DLGAP2: variants seen among roughly 807,000 people sequenced by gnomAD.
DLGAP2 encodes the protein DLG associated protein 2, also known as disks large-associated protein 2.
DLGAP2 carries 26 observed loss-of-function variants against 100.3 expected under a neutral mutation model. The observed-to-expected ratio is 0.26, with a 90% CI of 0.19 to 0.36. The LOEUF is 0.36. DLGAP2 is among the 10% of genes least tolerant of loss of function. The pLI, the probability that DLGAP2 is intolerant of heterozygous loss-of-function variation, is 1.00. For synonymous variants in DLGAP2, 886 were observed against 630.1 expected (o/e 1.41, Z -6.08); for missense variants, 1,858 against 1,453.2 (o/e 1.28, Z -4.53).
At chr8:881,666 A>ACATATATATATATAT in intron 1 of DLGAP2, among the ~76,000 whole-genome samples, 1 of 131,048 alleles carries the variant, frequency 7.6e-6, no homozygotes, top group African/African-American at 2.7e-5. Context: ...CTTGTGGCTG[A>ACATATATATATATAT]ACACACACAC....
chr8:857,754 G>T (rs1201092423), intron 1 of DLGAP2, among the ~76,000 whole-genome samples: 1 of 152,192 alleles, frequency 6.6e-6, no homozygotes, highest in Non-Finnish European at 1.5e-5. Context: ...CAGCCACACT[G>T]AAGACCGCTA....
chr8:1,252,765 G>C (rs543209663), intron 2 of DLGAP2, among the ~76,000 whole-genome samples: 3 of 152,266 alleles, frequency 2.0e-5, no homozygotes, highest in Admixed American at 6.5e-5. Flanking sequence ...GTTGAAGCGC[G>C]GCCGGATGTG....
chr8:1,583,202 G>C (rs1412154779), intron 6 of DLGAP2, among the ~76,000 whole-genome samples: 1 of 152,194 alleles, frequency 6.6e-6, no homozygotes, highest in Non-Finnish European at 1.5e-5. Flanking sequence ...TTGTGAGTAG[G>C]CTATTTAAGT....
intron 6 of DLGAP2, among the ~76,000 whole-genome samples, chr8:1,624,879 CT>C (rs1424003859): frequency 1.3e-5 from 2 of 151,902 alleles, no homozygotes; most frequent in Admixed American, 6.6e-5. Flanking sequence ...GTCTCTCTCT[CT>C]CTCTCTTTCC....
intron 1 of DLGAP2, among the ~76,000 whole-genome samples, chr8:854,520 G>C (rs774273189): frequency 5.9e-5 from 9 of 152,030 alleles, no homozygotes; most frequent in Non-Finnish European, 1.2e-4. Context: ...TGAGAGAGTG[G>C]GTGAGAGAGG....
At chr8:830,542 T>C (rs1176916383) in intron 1 of DLGAP2, among the ~76,000 whole-genome samples, 1 of 152,212 alleles carries the variant, frequency 6.6e-6, no homozygotes, top group African/African-American at 2.4e-5. Context: ...TTTAAATTCT[T>C]GGTATAGTTC....
At chr8:1,355,902 A>G (rs971640531) in intron 3 of DLGAP2, among the ~76,000 whole-genome samples, 1 of 152,126 alleles carries the variant, frequency 6.6e-6, no homozygotes, top group Non-Finnish European at 1.5e-5. Flanking sequence ...ACCTGTTCAT[A>G]TTCAAATTAA....
In DLGAP2 at chr8:1,418,554, G is replaced by C. The variant is rs1258617282; in HGVS notation, c.107-82812G>C. Among the ~76,000 whole-genome samples, 5 of 152,254 alleles carry C rather than the reference G, an allele frequency of 3.3e-5. No homozygotes were observed. In the East Asian group the frequency reaches 9.7e-4, roughly 29 times the overall value. Reference sequence around the variant, plus strand: ...AAATGGAAGCTTCACCTGGCTGCCAGTGCTCTCTCTGCATTCACACGACAC... The same window carrying C: ...AAATGGAAGCTTCACCTGGCTGCCACTGCTCTCTCTGCATTCACACGACAC... On this transcript the variant is annotated intron_variant, in intron 3 of 14. Transcript: ENST00000637795.
intron 2 of DLGAP2, among the ~76,000 whole-genome samples, chr8:960,576 A>T (rs1799702840): frequency 6.6e-6 from 1 of 152,148 alleles, no homozygotes; most frequent in African/African-American, 2.4e-5. Flanking sequence ...CCTAATGATT[A>T]TTCTTTATCA....
chr8:1,204,042 C>T (rs1797938405), intron 2 of DLGAP2, among the ~76,000 whole-genome samples: 1 of 152,250 alleles, frequency 6.6e-6, no homozygotes, highest in African/African-American at 2.4e-5. Flanking sequence ...GCTTACGAAC[C>T]ACCTGAGGAT....
intron 12 of DLGAP2, among the ~76,000 whole-genome samples, chr8:1,679,495 C>G (rs1333472240): frequency 6.6e-6 from 1 of 151,378 alleles, no homozygotes; most frequent in East Asian, 2.0e-4. Context: ...CCGTGTCATT[C>G]CTCTACCAGA....
chr8:779,198 C>A (rs947987034), intron 1 of DLGAP2, among the ~76,000 whole-genome samples: 2 of 152,252 alleles, frequency 1.3e-5, no homozygotes, highest in Non-Finnish European at 1.5e-5. Context: ...CCTGCTTCGG[C>A]TCGCGCATGG....
intron 3 of DLGAP2, among the ~76,000 whole-genome samples, chr8:1,316,191 A>G (rs1162861718): frequency 2.4e-5 from 3 of 126,258 alleles, no homozygotes; most frequent in Admixed American, 8.5e-5. Flanking sequence ...AGCGTTTAAA[A>G]ATAGAGCCTG....
intron 2 of DLGAP2, among the ~76,000 whole-genome samples, chr8:1,195,789 G>A (rs1222207661): frequency 1.3e-5 from 2 of 152,190 alleles, no homozygotes; most frequent in African/African-American, 4.8e-5. Flanking sequence ...TGACCGTGTG[G>A]CGCGTTCCCC....
Position 1,318,450 on chromosome 8 carries a change from A to G in DLGAP2, c.106+59567A>G, listed in dbSNP as rs923832951. Among the ~76,000 whole-genome samples, 7 of 150,362 alleles carry G rather than the reference A, an allele frequency of 4.7e-5. No individual in the cohort carries two copies. In the East Asian group the frequency reaches 1.2e-3, roughly 25 times the overall value. ...TAGTGACCTTCGTTTCTTCGTATCT[A>G]GTATATGCCAGTTAGCAAAATGGCA... On this transcript the variant is annotated intron_variant, in intron 3 of 14. Coordinates refer to ENST00000637795, the MANE Select transcript of DLGAP2 (RefSeq NM_001346810.2).
At chr8:950,038 C>T (rs1799438933) in intron 2 of DLGAP2, among the ~76,000 whole-genome samples, 1 of 152,212 alleles carries the variant, frequency 6.6e-6, no homozygotes, top group Non-Finnish European at 1.5e-5. Flanking sequence ...CGTCTTGCTT[C>T]TCCAGGGGAC....
At chr8:1,654,698 G>A (rs980572013) in intron 8 of DLGAP2, among the ~76,000 whole-genome samples, 9 of 151,258 alleles carry the variant, frequency 6.0e-5, no homozygotes, top group Non-Finnish European at 1.0e-4. Context: ...ACATAATTGT[G>A]TCCTACTTAT....
intron 2 of DLGAP2, among the ~76,000 whole-genome samples, chr8:1,048,704 G>A (rs537344458): frequency 1.1e-4 from 17 of 152,098 alleles, no homozygotes; most frequent in African/African-American, 3.6e-4. Context: ...GCCGCCCGAG[G>A]CCCTAGACCT....
chr8:1,275,767 T>C (rs1799670673), intron 3 of DLGAP2, among the ~76,000 whole-genome samples: 1 of 128,764 alleles, frequency 7.8e-6, no homozygotes, highest in East Asian at 2.1e-4. Flanking sequence ...TATAAAAATA[T>C]ATATTATATA....
Sources: gnomAD v4.1 joint callset for allele counts (sites outside exome capture counted in the v4.1 genomes callset) on GRCh38, gnomAD v4.1.1 for gene constraint, MANE v1.5 for transcripts, NCBI Gene and HGNC (gene_info 2026-07-23, HGNC 2026-07-21) for gene names.